PTPRS: variants seen among roughly 807,000 people sequenced by gnomAD.
The protein encoded by PTPRS is receptor-type tyrosine-protein phosphatase S.
Under a neutral mutation model 215.3 loss-of-function variants are expected in PTPRS, and 63 were observed. That is an observed-to-expected ratio of 0.29 (90% CI 0.24 to 0.36). The LOEUF is 0.36. Ranked by LOEUF, PTPRS falls within the 10% of genes least tolerant of loss-of-function variation. The pLI is 1.00. For missense variants in PTPRS, 2,258 were observed against 2,825.8 expected, an observed-to-expected ratio of 0.80 and a Z score of 4.56; for synonymous variants, 1,404 against 1,191.4, an observed-to-expected ratio of 1.18 and a Z score of -3.68.
chr19:5,263,015 G>A (rs2146338888), intron 5 of PTPRS, 43 bp from the exon 6 acceptor site: 3 of 1,299,780 alleles, frequency 2.3e-6, no homozygotes, highest in African/African-American at 1.6e-5. Context: ...GAACAGGAAC[G>A]TTAACGGGTG....
At chr19:5,223,443 T>C in intron 17 of PTPRS, 146 bp from the exon 18 acceptor site, 2 of 1,046,504 alleles carry the variant, frequency 1.9e-6, no homozygotes, top group Non-Finnish European at 2.6e-6. Context: ...CAGCCTGGAG[T>C]GCAATGGTGA....
At chr19:5,303,238 G>A (rs894385261) in intron 1 of PTPRS, among the ~76,000 whole-genome samples, 2 of 152,114 alleles carry the variant, frequency 1.3e-5, no homozygotes, top group African/African-American at 2.4e-5. Context: ...ATGGGCTCTT[G>A]GTGCCCGGGG....
intron 25 of PTPRS, 77 bp downstream of exon 25, chr19:5,218,343 C>T: frequency 7.2e-7 from 1 of 1,390,934 alleles, no homozygotes; most frequent in Non-Finnish European, 1.0e-6. Context: ...TGAGGGGCCC[C>T]CAGGGTGGCA....
chr19:5,269,188 G>C (rs76203646), intron 4 of PTPRS, among the ~76,000 whole-genome samples: 1 of 151,996 alleles, frequency 6.6e-6, no homozygotes. Flanking sequence ...ACGCTTGCCC[G>C]TGCCCACGTG....
chr19:5,242,460 C>T (rs959985421), intron 11 of PTPRS, among the ~76,000 whole-genome samples: 3 of 150,800 alleles, frequency 2.0e-5, no homozygotes, highest in Non-Finnish European at 3.0e-5. Context: ...CACCGCCTCC[C>T]GAGTTCAAGT....
chr19:5,246,684 C>T (rs2044515828), intron 9 of PTPRS, among the ~76,000 whole-genome samples: 2 of 152,210 alleles, frequency 1.3e-5, no homozygotes, highest in African/African-American at 4.8e-5. Context: ...CCTGAGATGT[C>T]AGTCCCCCAC....
chr19:5,264,984 G>T (rs577634609), intron 5 of PTPRS, 24 bp downstream of exon 5: 2 of 1,612,302 alleles, frequency 1.2e-6, no homozygotes, highest in Non-Finnish European at 1.7e-6. Flanking sequence ...AGGCTCCCAC[G>T]TCCTGTCAGC....
intron 1 of PTPRS, among the ~76,000 whole-genome samples, chr19:5,313,052 T>A (rs1273070902): frequency 6.6e-6 from 1 of 152,196 alleles, no homozygotes; most frequent in Admixed American, 6.5e-5. Flanking sequence ...GTAGCTGGAA[T>A]AACAGGCGCA....
chr19:5,280,928 A>G (rs913937278), intron 2 of PTPRS, among the ~76,000 whole-genome samples: 3 of 151,588 alleles, frequency 2.0e-5, no homozygotes, highest in African/African-American at 7.3e-5. Context: ...AGTAGCTGGG[A>G]TTACAGGAAC....
intron 9 of PTPRS, among the ~76,000 whole-genome samples, chr19:5,248,307 A>T (rs946037432): frequency 9.2e-5 from 14 of 152,110 alleles, no homozygotes; most frequent in Non-Finnish European, 1.8e-4. Flanking sequence ...AAAGCAATTT[A>T]AAAAAAGAAA....
chr19:5,258,096 G>T lies in PTPRS; in HGVS notation c.627C>A (p.Thr209=), dbSNP rs750890163. 2.5e-6 allele frequency: 4 copies of T among 1,614,056 alleles called. No individual in the cohort carries two copies. The African/African-American group carries it at 5.3e-5, about 22-fold the overall frequency. Residue 209 remains threonine (T), a synonymous_variant, in exon 8 of 38, where the codon ACC becomes ACA. Coordinates refer to ENST00000262963, the MANE Select transcript of PTPRS (RefSeq NM_002850.4). The stretch of plus-strand genomic sequence containing the variant: ...CCACACACTCATATTTGCCCTGGTC[G>T]GTTTCCTCACTGCTTTCAATCTGCA... ...GALQIESSEE[T]DQGKYECVAT...
chr19:5,297,164 T>C (rs996207901), intron 1 of PTPRS, among the ~76,000 whole-genome samples: 2 of 152,166 alleles, frequency 1.3e-5, no homozygotes. Context: ...ATATGTCCTC[T>C]GTATACACCC....
chr19:5,318,422 C>A (rs1476570788), intron 1 of PTPRS, among the ~76,000 whole-genome samples: 1 of 152,054 alleles, frequency 6.6e-6, no homozygotes, highest in Non-Finnish European at 1.5e-5. Context: ...ACAGAACAGG[C>A]TGCACCCCAG....
In PTPRS at chr19:5,206,189, A is replaced by C. The variant is rs1401911870; in HGVS notation, c.*585T>G. 2.0e-5 allele frequency among the ~76,000 whole-genome samples: 3 copies of C among 152,008 alleles called. No homozygotes were observed. In the East Asian group the frequency reaches 5.8e-4, roughly 29 times the overall value. On this transcript the variant is annotated 3_prime_UTR_variant, in exon 38 of 38. Transcript: ENST00000262963. ...TAGACTGTCTTTGAACAGAATATGA[A>C]TAAGCCAAAGTTAGTTCTCTTTGAA... is the stretch of plus-strand genomic sequence containing the variant.
rs536977064 is a variant in PTPRS at position 5,319,939 on chromosome 19, C to T, written c.-95+20725G>A. Among the ~76,000 whole-genome samples the T allele has an allele frequency of 3.3e-5, 5 of 152,210 alleles. No individual in the cohort carries two copies. The South Asian group carries it at 8.3e-4, about 25-fold the overall frequency. On this transcript the variant is annotated intron_variant, in intron 1 of 37. Coordinates refer to ENST00000262963, the MANE Select transcript of PTPRS (RefSeq NM_002850.4). ...TGATCACCCCTGACGTGCTATATAT[C>T]GTATTTTGCCTATCATCTCTCTCCC...
At chr19:5,256,771 C>T (rs2045586082) in intron 8 of PTPRS, among the ~76,000 whole-genome samples, 1 of 152,100 alleles carries the variant, frequency 6.6e-6, no homozygotes, top group African/African-American at 2.4e-5. Flanking sequence ...CATGCGACCT[C>T]CTCCTCAGAG....
At position 5,210,615 on chromosome 19, in the gene PTPRS, G is replaced by A. The variant is rs780723497; in HGVS notation, c.5362-21C>T. ...TTCTCCTGTGGAGGAGATGGCGGCC[G>A]TGGTCAGCGCTGTCTGAGCCACAGT... On this transcript the variant is annotated intron_variant, in intron 34 of 37. Coordinates refer to ENST00000262963, the MANE Select transcript of PTPRS (RefSeq NM_002850.4). The surrounding 1 kb of genome is among the most constrained non-coding windows in gnomAD (Gnocchi z 4.5). 3.7e-6 allele frequency: 6 copies of A among 1,614,106 alleles called. No individual in the cohort carries two copies. The highest frequency in any genetic ancestry group is 2.2e-5 in the East Asian group (1 of 44,892).
intron 1 of PTPRS, among the ~76,000 whole-genome samples, chr19:5,340,126 G>A (rs1268086178): frequency 6.7e-6 from 1 of 150,344 alleles, no homozygotes; most frequent in Non-Finnish European, 1.5e-5. Flanking sequence ...CAGCCCTGGA[G>A]CCACCCCGCC....
At chr19:5,245,488 T>TG (rs1469113071) in intron 10 of PTPRS, among the ~76,000 whole-genome samples, 1 of 151,902 alleles carries the variant, frequency 6.6e-6, no homozygotes, top group Non-Finnish European at 1.5e-5. Flanking sequence ...AGAAGGGGCC[T>TG]GGCTATGTTG....
Sources: allele counts gnomAD v4.1 joint callset (sites outside exome capture counted in the v4.1 genomes callset), GRCh38; gene constraint gnomAD v4.1.1; non-coding constraint Gnocchi (gnomAD v3.1); transcripts MANE v1.5; gene names NCBI Gene and HGNC (gene_info 2026-07-23, HGNC 2026-07-21).